Variants in CNTNAP2 observed in about 807,000 individuals in gnomAD.
CNTNAP2 encodes contactin associated protein 2, also known as contactin-associated protein-like 2.
Under a neutral mutation model 155.2 loss-of-function variants are expected in CNTNAP2, and 98 were observed. That is an observed-to-expected ratio of 0.63 (90% CI 0.54 to 0.75). The LOEUF (loss-of-function observed/expected upper bound fraction) is 0.75. Among genes scored for constraint, CNTNAP2 ranks in the 30% least tolerant of loss-of-function variants. The pLI, the probability that CNTNAP2 is intolerant of heterozygous loss-of-function variation, is 0.00. For synonymous variants in CNTNAP2, 651 were observed against 631.2 expected (o/e 1.03, Z -0.47); for missense variants, 1,727 against 1,688.1 (o/e 1.02, Z -0.40).
At chr7:148,188,435 G>T (rs886105012) in intron 18 of CNTNAP2, among the ~76,000 whole-genome samples, 6 of 152,162 alleles carry the variant, frequency 3.9e-5, no homozygotes, top group African/African-American at 1.4e-4. Context: ...AAGCTTTGAG[G>T]AGATAGTTAA....
At chr7:147,691,684 T>C (rs376846798) in intron 13 of CNTNAP2, among the ~76,000 whole-genome samples, 12 of 152,170 alleles carry the variant, frequency 7.9e-5, no homozygotes, top group African/African-American at 2.9e-4. Flanking sequence ...ATGTATATGC[T>C]TAATATTTTC....
chr7:146,195,848 A>G (rs943991483), intron 1 of CNTNAP2, among the ~76,000 whole-genome samples: 4 of 152,210 alleles, frequency 2.6e-5, no homozygotes, highest in African/African-American at 7.2e-5. Context: ...TGTATTTACC[A>G]CATCATTTAT....
intron 1 of CNTNAP2, among the ~76,000 whole-genome samples, chr7:146,512,977 T>C (rs563976457): frequency 1.3e-5 from 2 of 152,106 alleles, no homozygotes; most frequent in South Asian, 4.1e-4. Flanking sequence ...GTTGTGTTGA[T>C]TACCTATATA....
At chr7:147,681,116 G>A (rs138172014) in intron 13 of CNTNAP2, among the ~76,000 whole-genome samples, 2,492 of 152,028 alleles carry the variant, frequency 0.016, 221 homozygotes, top group Admixed American at 0.15. Flanking sequence ...AGTTTCATGT[G>A]TATGAGATCA....
intron 1 of CNTNAP2, among the ~76,000 whole-genome samples, chr7:146,767,608 A>G (rs1290023982): frequency 6.6e-6 from 1 of 152,182 alleles, no homozygotes; most frequent in East Asian, 1.9e-4. Context: ...AGAGATACAC[A>G]AAAGCAATGT....
At chr7:146,904,468 A>T (rs1456541338) in intron 3 of CNTNAP2, among the ~76,000 whole-genome samples, 2 of 151,884 alleles carry the variant, frequency 1.3e-5, no homozygotes, top group Non-Finnish European at 2.9e-5. Flanking sequence ...GAGAGAATTC[A>T]TCTTTGTTTG....
chr7:146,960,169 G>A (rs969090267), intron 3 of CNTNAP2, among the ~76,000 whole-genome samples: 2 of 151,944 alleles, frequency 1.3e-5, no homozygotes, highest in African/African-American at 4.8e-5. Context: ...TCCTACTGGG[G>A]AAAAAAATAA....
At chr7:146,873,824 A>G (rs1269858755) in intron 3 of CNTNAP2, among the ~76,000 whole-genome samples, 2 of 152,112 alleles carry the variant, frequency 1.3e-5, no homozygotes, top group Non-Finnish European at 2.9e-5. Context: ...TTAGTACATC[A>G]TGTTTTTCGT....
chr7:148,175,376 A>G (rs923064920), intron 18 of CNTNAP2, among the ~76,000 whole-genome samples: 1 of 152,226 alleles, frequency 6.6e-6, no homozygotes, highest in East Asian at 1.9e-4. Flanking sequence ...ATCTCTGGTC[A>G]TAAAATATCT....
chr7:148,359,721 G>T (rs986014579), intron 21 of CNTNAP2, among the ~76,000 whole-genome samples: 1 of 152,138 alleles, frequency 6.6e-6, no homozygotes, highest in Non-Finnish European at 1.5e-5. Flanking sequence ...CTCTTTTGCT[G>T]TATAAATTTT....
At chr7:147,399,831 A>AG (rs978079289) in intron 10 of CNTNAP2, among the ~76,000 whole-genome samples, 3 of 152,094 alleles carry the variant, frequency 2.0e-5, no homozygotes, top group Non-Finnish European at 4.4e-5. Flanking sequence ...TAGAACTGGA[A>AG]GGGGAGGTGG....
intron 3 of CNTNAP2, among the ~76,000 whole-genome samples, chr7:146,986,964 T>A (rs1185263300): frequency 1.3e-5 from 2 of 152,182 alleles, no homozygotes; most frequent in Admixed American, 1.3e-4. Flanking sequence ...GCAATTATTG[T>A]ATATAAATAA....
intron 1 of CNTNAP2, among the ~76,000 whole-genome samples, chr7:146,343,671 A>C (rs1234149054): frequency 6.6e-6 from 1 of 152,188 alleles, no homozygotes; most frequent in African/African-American, 2.4e-5. Context: ...GAGATGACTG[A>C]ATTATAAATT....
chr7:148,064,531 C>T (rs896091665), intron 15 of CNTNAP2, among the ~76,000 whole-genome samples: 1 of 151,862 alleles, frequency 6.6e-6, no homozygotes, highest in Non-Finnish European at 1.5e-5. Context: ...AAAGACTCAT[C>T]CAAAAAACCT....
At chr7:146,768,570 A>G (rs920142329) in intron 1 of CNTNAP2, among the ~76,000 whole-genome samples, 2 of 152,040 alleles carry the variant, frequency 1.3e-5, no homozygotes, top group South Asian at 4.2e-4. Context: ...ATGTGCAGGT[A>G]TAGGTAGAGT....
chr7:146,890,932 T>C (rs1795762192), intron 3 of CNTNAP2, among the ~76,000 whole-genome samples: 1 of 152,124 alleles, frequency 6.6e-6, no homozygotes, highest in African/African-American at 2.4e-5. Context: ...AAAAGACACA[T>C]GAACTGGTGT....
chr7:148,352,616 G>C (rs1412026552), intron 21 of CNTNAP2, among the ~76,000 whole-genome samples: 1 of 152,206 alleles, frequency 6.6e-6, no homozygotes, highest in Admixed American at 6.5e-5. Context: ...CTGGGCAGGG[G>C]CAGGCTCAGT....
intron 1 of CNTNAP2, among the ~76,000 whole-genome samples, chr7:146,529,318 T>C (rs1372356593): frequency 2.0e-5 from 3 of 152,142 alleles, no homozygotes; most frequent in Non-Finnish European, 4.4e-5. Context: ...TGGGAGATGA[T>C]TTTTTGTCTC....
intron 21 of CNTNAP2, among the ~76,000 whole-genome samples, chr7:148,274,946 G>A (rs902848237): frequency 6.6e-6 from 1 of 152,100 alleles, no homozygotes; most frequent in Admixed American, 6.5e-5. Context: ...CATGTTTAGC[G>A]GTTAGCACAG....
Sources: gnomAD v4.1 joint callset for allele counts (sites outside exome capture counted in the v4.1 genomes callset) on GRCh38, gnomAD v4.1.1 for gene constraint, MANE v1.5 for transcripts, NCBI Gene and HGNC (gene_info 2026-07-23, HGNC 2026-07-21) for gene names.